ZBTB25: variants seen among roughly 807,000 people sequenced by gnomAD.
The protein encoded by ZBTB25 is zinc finger and BTB domain containing 25, also known as zinc finger and BTB domain-containing protein 25.
In ZBTB25, 20 loss-of-function variants were observed where a neutral mutation model predicts 34.2. That is an observed-to-expected ratio of 0.58 (90% CI 0.41 to 0.85). ZBTB25 has a LOEUF of 0.85. Ranked by LOEUF, ZBTB25 falls within the 40% of genes least tolerant of loss-of-function variation. ZBTB25 has a pLI of 0.00. For synonymous variants in ZBTB25, 175 were observed against 186.4 expected (o/e 0.94, Z 0.50); for missense variants, 437 against 521.8 (o/e 0.84, Z 1.58).
intron 1 of ZBTB25, 21 bp downstream of exon 1, chr14:64,503,640 G>C (rs1025961899): frequency 7.1e-6 from 7 of 983,842 alleles, no homozygotes; most frequent in Non-Finnish European, 8.4e-6. Context: ...CAGCCCACAG[G>C]GGCAGGACCG....
chr14:64,500,555 T>C (rs1354849622), intron 1 of ZBTB25, among the ~76,000 whole-genome samples: 8 of 151,024 alleles, frequency 5.3e-5, no homozygotes, highest in Non-Finnish European at 8.8e-5. Context: ...CCCAGCACTT[T>C]AGGAGGCCGA....
At chr14:64,453,461 C>T (rs1250316800) in intron 2 of ZBTB25, among the ~76,000 whole-genome samples, 3 of 152,140 alleles carry the variant, frequency 2.0e-5, no homozygotes, top group Non-Finnish European at 4.4e-5. Context: ...ATCCCAGCTA[C>T]TCGGGAGGCT....
intron 2 of ZBTB25, chr14:64,469,488 C>T: frequency 6.2e-7 from 1 of 1,613,078 alleles, no homozygotes; most frequent in Non-Finnish European, 8.5e-7. Flanking sequence ...TTCTTAATTT[C>T]AGCTGAAAAT....
chr14:64,462,804 C>T (rs1399816769), intron 2 of ZBTB25: 1 of 152,138 alleles, frequency 6.6e-6, no homozygotes, highest in Non-Finnish European at 1.5e-5. Flanking sequence ...AGACTTGGAG[C>T]CTCAGGTTCA....
chr14:64,491,469 C>A (rs1325641700), intron 1 of ZBTB25, among the ~76,000 whole-genome samples: 1 of 151,398 alleles, frequency 6.6e-6, no homozygotes, highest in African/African-American at 2.4e-5. Context: ...GTCTCAAAAA[C>A]ACACACACAC....
Position 64,485,108 on chromosome 14 carries a change from A to C in ZBTB25, c.*1815T>G. The C allele has an allele frequency of 2.0e-6, 2 of 985,436 alleles. No homozygotes were observed. Among genetic ancestry groups the C allele is most frequent in the Non-Finnish European group, 2.4e-6 (2 of 829,928 alleles). The allele number at this position is 985,436 out of a possible 1,614,324, so 61.0% of individuals were successfully genotyped here. A position where few individuals can be genotyped will look rare whatever the true frequency, so the allele number is the denominator to read the frequency against. ...AATATCCAGTAGCTTTCTTCATTCAATCCTCAAGAAAAACTTACCACTTTG... is the reference window on the plus strand; with the variant it reads ...AATATCCAGTAGCTTTCTTCATTCACTCCTCAAGAAAAACTTACCACTTTG... On this transcript the variant is annotated 3_prime_UTR_variant, in exon 3 of 3. Coordinates refer to ENST00000608382, the MANE Select transcript of ZBTB25 (RefSeq NM_006977.5).
At chr14:64,469,691 A>T (rs1195415927) in intron 2 of ZBTB25, 6 of 1,521,038 alleles carry the variant, frequency 3.9e-6, no homozygotes, top group Non-Finnish European at 3.5e-6. Flanking sequence ...TACTCTCCAG[A>T]GTCACGGCAG....
chr14:64,499,262 T>C (rs571616580), intron 1 of ZBTB25, among the ~76,000 whole-genome samples: 3 of 152,236 alleles, frequency 2.0e-5, no homozygotes, highest in African/African-American at 4.8e-5. Flanking sequence ...CCTTAAAATA[T>C]TGGCCAGATT....
chr14:64,480,429 A>G lies in ZBTB25; in HGVS notation c.*6494T>C, dbSNP rs2078773147. 1 of 363,692 alleles carries G rather than the reference A, an allele frequency of 2.7e-6. No individual in the cohort carries two copies. The highest frequency in any genetic ancestry group is 2.2e-5 in the African/African-American group (1 of 45,566). 22.5% of individuals were successfully genotyped at this position (363,692 alleles called of 1,614,324 possible). ...GACAGCAGTTGGAAAGCATTTGATTAGGACGTCAATTTTCGATTAACACAG... is the reference window on the plus strand; with the variant it reads ...GACAGCAGTTGGAAAGCATTTGATTGGGACGTCAATTTTCGATTAACACAG... On this transcript the variant is annotated 3_prime_UTR_variant, in exon 3 of 3. Coordinates refer to ENST00000608382, the MANE Select transcript of ZBTB25 (RefSeq NM_006977.5).
rs1180527648 is a variant in ZBTB25, at chr14:64,468,570, C to T, written c.174-18932G>A. Reference sequence around the variant, plus strand: ...GCTGGCTCTGAAGCTGCTGATGTGGCAAGGAAGTGTCCACAAGAAGCAGGA... The same window carrying T: ...GCTGGCTCTGAAGCTGCTGATGTGGTAAGGAAGTGTCCACAAGAAGCAGGA... On this transcript the variant is annotated intron_variant, in intron 2 of 2. Coordinates refer to the ZBTB25 transcript ENST00000555220. 3.1e-6 allele frequency: 5 copies of T among 1,613,864 alleles called. No individual in the cohort carries two copies. In the Admixed American group the frequency reaches 8.3e-5, roughly 27 times the overall value.
In ZBTB25 at chr14:64,487,293, T is replaced by C. The variant is rs2078903821; in HGVS notation, c.938A>G (p.Asn313Ser). The change falls in exon 3 of 3, where the codon AAC becomes AGC. Residue 313 changes from asparagine (N) to serine (S), a missense_variant. Physicochemically the swap from Asn to Ser is conservative, Grantham distance 46. Coordinates refer to ENST00000608382, the MANE Select transcript of ZBTB25 (RefSeq NM_006977.5). ...KENEQQPDHT[N>S]RGTTEPLQIS... The stretch of plus-strand genomic sequence containing the variant: ...CTGCAAAGGCTCTGTGGTACCCCGG[T>C]TGGTGTGGTCTGGCTGCTGTTCATT... 6.2e-7 allele frequency: 1 copy of C among 1,613,854 alleles called. No homozygotes were observed. The highest frequency in any genetic ancestry group is 1.1e-5 in the South Asian group (1 of 91,080).
chr14:64,488,703 A>T (rs2078966640), intron 2 of ZBTB25, among the ~76,000 whole-genome samples: 1 of 152,102 alleles, frequency 6.6e-6, no homozygotes, highest in African/African-American at 2.4e-5. Flanking sequence ...TAGAATAGGC[A>T]AATTCATAGA....
intron 2 of ZBTB25, among the ~76,000 whole-genome samples, chr14:64,453,428 G>A (rs191417040): frequency 2.0e-3 from 297 of 152,046 alleles, no homozygotes; most frequent in African/African-American, 6.8e-3. Context: ...AGAATTAGCC[G>A]GGCTTGGTTG....
Position 64,472,352 on chromosome 14 carries a change from A to G in ZBTB25, c.173+18009T>C, listed in dbSNP as rs1301910417. On this transcript the variant is annotated intron_variant, in intron 2 of 2. Coordinates refer to the ZBTB25 transcript ENST00000555220. The stretch of plus-strand genomic sequence containing the variant: ...TTGTAAATGTTTAGTAATCTCATGA[A>G]CAAGCAAAAAGTATAGTACTTAGCA... The G allele has an allele frequency of 2.4e-4, 40 of 167,084 alleles. No individual in the cohort carries two copies. The Admixed American group carries it at 2.6e-3, about 11-fold the overall frequency. The allele number at this position is 167,084 out of a possible 1,614,324, so 10.4% of individuals were successfully genotyped here. A position where few individuals can be genotyped will look rare whatever the true frequency, so the allele number is the denominator to read the frequency against.
At chr14:64,489,265 G>A (rs766599365) in intron 2 of ZBTB25, among the ~76,000 whole-genome samples, 13 of 150,306 alleles carry the variant, frequency 8.6e-5, no homozygotes, top group South Asian at 6.3e-4. Flanking sequence ...GCTAGACTCC[G>A]TCTCAAAAAA....
intron 2 of ZBTB25, among the ~76,000 whole-genome samples, chr14:64,458,952 T>C (rs1454480305): frequency 6.6e-6 from 1 of 152,180 alleles, no homozygotes; most frequent in African/African-American, 2.4e-5. Flanking sequence ...ACTGCAAAAA[T>C]ATCAAACATG....
At chr14:64,466,156 T>C (rs1281571829) in intron 2 of ZBTB25, among the ~76,000 whole-genome samples, 2 of 152,140 alleles carry the variant, frequency 1.3e-5, no homozygotes, top group Non-Finnish European at 2.9e-5. Context: ...TTCTGTGACA[T>C]GAGACTTGCA....
At chr14:64,489,284 T>A (rs576856334) in intron 2 of ZBTB25, among the ~76,000 whole-genome samples, 88 of 138,790 alleles carry the variant, frequency 6.3e-4, no homozygotes, top group East Asian at 1.7e-3. Flanking sequence ...AAAATAAAAA[T>A]AAAAAATAAA....
At chr14:64,468,658 C>T (rs781706034) in intron 2 of ZBTB25, 2 of 1,613,938 alleles carry the variant, frequency 1.2e-6, no homozygotes, top group Non-Finnish European at 8.5e-7. Flanking sequence ...TTGTAACACG[C>T]AGGAAAAGGT....
Sources: gnomAD v4.1 joint callset for allele counts (sites outside exome capture counted in the v4.1 genomes callset) on GRCh38, gnomAD v4.1.1 for gene constraint, MANE v1.5 for transcripts, NCBI Gene and HGNC (gene_info 2026-07-23, HGNC 2026-07-21) for gene names.